The following TPRG1 variants were observed in gnomAD, a reference collection of about 807,000 sequenced individuals.
TPRG1 encodes tumor protein p63 regulated 1.
Under a neutral mutation model 29.3 loss-of-function variants are expected in TPRG1, and 29 were observed. That is an observed-to-expected ratio of 0.99 (90% confidence interval 0.74 to 1.35). TPRG1 has a LOEUF of 1.35. Ranked by LOEUF, TPRG1 falls within the 40% of genes most tolerant of loss-of-function variation. The pLI is 0.00. For missense variants in TPRG1, 327 were observed against 335.0 expected (o/e 0.98, Z 0.19); for synonymous variants, 130 against 116.8 (o/e 1.11, Z -0.73).
chr3:189,109,109 A>C (rs577498042), intron 1 of TPRG1, among the ~76,000 whole-genome samples: 2 of 152,140 alleles, frequency 1.3e-5, no homozygotes, highest in African/African-American at 4.8e-5. Context: ...CAAGCAGAGG[A>C]GAGAGCAGAG....
intron 3 of TPRG1, among the ~76,000 whole-genome samples, chr3:189,008,705 G>A (rs561597313): frequency 6.6e-6 from 1 of 152,180 alleles, no homozygotes; most frequent in South Asian, 2.1e-4. Context: ...CTTGCTGTAA[G>A]AGATTGTGCA....
intron 1 of TPRG1, among the ~76,000 whole-genome samples, chr3:189,126,186 T>C (rs1402460141): frequency 2.6e-5 from 4 of 152,162 alleles, no homozygotes; most frequent in Non-Finnish European, 5.9e-5. Flanking sequence ...AATGAGGTGC[T>C]GACACCAGGA....
chr3:189,277,054 C>T (rs1455965417), intron 4 of TPRG1, among the ~76,000 whole-genome samples: 3 of 152,124 alleles, frequency 2.0e-5, no homozygotes, highest in Non-Finnish European at 4.4e-5. Flanking sequence ...GGGTGAGACG[C>T]TGCTCGAGGA....
chr3:189,005,608 G>A (rs1712246531), intron 3 of TPRG1, among the ~76,000 whole-genome samples: 1 of 152,042 alleles, frequency 6.6e-6, no homozygotes, highest in East Asian at 1.9e-4. Flanking sequence ...AAATTAGCTG[G>A]GGATTATGTT....
At chr3:189,038,613 AT>A (rs1314817731) in intron 4 of TPRG1, among the ~76,000 whole-genome samples, 5 of 152,116 alleles carry the variant, frequency 3.3e-5, no homozygotes, top group Non-Finnish European at 5.9e-5. Flanking sequence ...TGGGAAAAAA[AT>A]GAATGGATCT....
chr3:189,003,851 A>T (rs1339253908), intron 2 of TPRG1, among the ~76,000 whole-genome samples: 1 of 151,414 alleles, frequency 6.6e-6, no homozygotes, highest in African/African-American at 2.4e-5. Context: ...TTGCTGTAAT[A>T]TTTTTTTTCT....
intron 2 of TPRG1, among the ~76,000 whole-genome samples, chr3:189,129,887 A>G (rs769487680): frequency 2.0e-5 from 3 of 152,212 alleles, no homozygotes; most frequent in Non-Finnish European, 4.4e-5. Context: ...ATTTACTTCT[A>G]TACAGGGCCT....
At chr3:189,075,261 T>C (rs944496510) in intron 4 of TPRG1, among the ~76,000 whole-genome samples, 6 of 152,146 alleles carry the variant, frequency 3.9e-5, no homozygotes, top group African/African-American at 1.4e-4. Flanking sequence ...GCCTCCCAAG[T>C]AGCTGGGATT....
chr3:189,078,015 C>A (rs1382176859), intron 4 of TPRG1, among the ~76,000 whole-genome samples: 1 of 137,730 alleles, frequency 7.3e-6, no homozygotes, highest in Admixed American at 7.3e-5. Flanking sequence ...CCTTTTCCTT[C>A]CTTCCTTCCT....
chr3:189,211,729 C>T (rs1335501184), intron 2 of TPRG1: 1 of 152,154 alleles, frequency 6.6e-6, no homozygotes, highest in East Asian at 1.9e-4. Flanking sequence ...GTGCCAAGGT[C>T]AACAAGCAAC....
intron 4 of TPRG1, among the ~76,000 whole-genome samples, chr3:189,043,236 A>G (rs1420733333): frequency 6.6e-6 from 1 of 152,208 alleles, no homozygotes; most frequent in Non-Finnish European, 1.5e-5. Context: ...CCTGAGTTTT[A>G]ATAAACATAA....
intron 4 of TPRG1, among the ~76,000 whole-genome samples, chr3:189,074,199 CTTTTTTTTTTT>C (rs554150288): frequency 4.4e-5 from 3 of 68,086 alleles, no homozygotes; most frequent in Admixed American, 1.8e-4. Context: ...AATTATTTTC[CTTTTTTTTTTT>C]TTTTTTTTTT....
At position 189,116,192 on chromosome 3, in the gene TPRG1, T is replaced by A. The variant is rs553249114; in HGVS notation, c.-743-10865T>A. On this transcript the variant is annotated intron_variant, in intron 1 of 6. Coordinates refer to the TPRG1 transcript ENST00000412373. ...CGAAGATATTATTATTATTATTATT[T>A]TTTGAGATGGAGTGTCACTCTGTCA... Among the ~76,000 whole-genome samples the A allele has an allele frequency of 4.5e-4, 69 of 152,126 alleles. 1 individual carries two copies. Among genetic ancestry groups the A allele is most frequent in the Non-Finnish European group, 1.9e-4 (13 of 68,028 alleles).
At chr3:189,192,003 G>A (rs1052824484) in intron 1 of TPRG1, among the ~76,000 whole-genome samples, 1 of 152,174 alleles carries the variant, frequency 6.6e-6, no homozygotes, top group Non-Finnish European at 1.5e-5. Context: ...AAGGCTTACA[G>A]ATTTTGTGGG....
At position 189,247,523 on chromosome 3, in the gene TPRG1, A is replaced by G. The variant is rs565549135; in HGVS notation, c.479+8614A>G. ...TTGTTTTTTTGGTATGTAAAATACT[A>G]TGGGATTTATTCCTCCTTGAAATTG... On this transcript the variant is annotated intron_variant, in intron 4 of 5. Transcript: ENST00000345063. Among the ~76,000 whole-genome samples, 29 of 151,998 alleles carry G rather than the reference A, an allele frequency of 1.9e-4. No homozygotes were observed. The South Asian group carries it at 5.8e-3, about 30-fold the overall frequency.
intron 4 of TPRG1, among the ~76,000 whole-genome samples, chr3:189,276,115 C>T (rs773673941): frequency 1.3e-5 from 2 of 151,874 alleles, no homozygotes; most frequent in African/African-American, 2.4e-5. Flanking sequence ...ACACAAGGAA[C>T]ACTGAGAGGG....
intron 3 of TPRG1, among the ~76,000 whole-genome samples, chr3:189,022,770 C>A (rs1219654146): frequency 6.6e-6 from 1 of 152,258 alleles, no homozygotes; most frequent in Non-Finnish European, 1.5e-5. Context: ...TTGGAACTTC[C>A]CGGCTGCTTT....
chr3:189,215,318 A>G lies in TPRG1; in HGVS notation c.237A>G (p.Glu79=). 6.2e-7 allele frequency: 1 copy of G among 1,612,416 alleles called. No individual in the cohort carries two copies. The highest frequency in any genetic ancestry group is 8.5e-7 in the Non-Finnish European group (1 of 1,179,316). ...TRPGAIETAM[E]DLKGHVAETS... Reference sequence around the variant, plus strand: ...CGGGGGCCATTGAGACTGCCATGGAAGACTTGAAAGGTCACGTAGCTGAGA... The same window carrying G: ...CGGGGGCCATTGAGACTGCCATGGAGGACTTGAAAGGTCACGTAGCTGAGA... The change falls in exon 3 of 6, where the codon GAA becomes GAG. Residue 79 remains glutamate, a synonymous_variant. Transcript: ENST00000345063.
intron 1 of TPRG1, among the ~76,000 whole-genome samples, chr3:189,106,053 TCAA>T (rs1040429245): frequency 8.6e-5 from 13 of 151,962 alleles, no homozygotes; most frequent in African/African-American, 2.2e-4. Flanking sequence ...AACTGAAAAT[TCAA>T]CAACAACAAC....
Sources: gnomAD v4.1 joint callset for allele counts (sites outside exome capture counted in the v4.1 genomes callset) on GRCh38, gnomAD v4.1.1 for gene constraint, MANE v1.5 for transcripts, NCBI Gene and HGNC (gene_info 2026-07-23, HGNC 2026-07-21) for gene names.